SMCHD1: variants seen among roughly 807,000 people sequenced by gnomAD.
SMCHD1 encodes the protein structural maintenance of chromosomes flexible hinge domain containing 1.
A neutral mutation model predicts 254.7 loss-of-function variants in SMCHD1; 78 were observed. The ratio of observed to expected loss-of-function variants is 0.31; its 90% CI spans 0.26 to 0.37. The LOEUF (loss-of-function observed/expected upper bound fraction) is 0.37. Among genes scored for constraint, SMCHD1 ranks in the 10% least tolerant of loss-of-function variants. SMCHD1 has a pLI of 1.00. For synonymous variants in SMCHD1, 766 were observed against 794.9 expected (o/e 0.96, Z 0.61); for missense variants, 1,840 against 2,408.1 (o/e 0.76, Z 4.94).
chr18:2,740,734 G>T lies in SMCHD1; in HGVS notation c.3546G>T (p.Gln1182His), dbSNP rs757626505. The stretch of plus-strand genomic sequence containing the variant: ...TAATTACAGATCAGTACGGAAATCA[G>T]ATTCAAGCATTTTCACCAAGTTCTT... ...VIIITDQYGN[Q>H]IQAFSPSSLS... The change falls in exon 28 of 48, where the codon CAG becomes CAT. Residue 1182 changes from glutamine (Q) to histidine (H), a missense_variant. This residue lies in a region of SMCHD1 where 881 missense variants were observed against 1,009.5 expected (regional missense o/e 0.87). Transcript: ENST00000320876. 1.9e-5 allele frequency: 30 copies of T among 1,610,414 alleles called. No individual in the cohort carries two copies. Among genetic ancestry groups the T allele is most frequent in the Non-Finnish European group, 2.5e-5 (29 of 1,177,696 alleles).
chr18:2,747,187 G>A (rs1362494774), intron 29 of SMCHD1, among the ~76,000 whole-genome samples: 1 of 152,204 alleles, frequency 6.6e-6, no homozygotes, highest in Non-Finnish European at 1.5e-5. Flanking sequence ...ATGATTTCAA[G>A]TGTATGCTTA....
chr18:2,785,201 ACCAT>A (rs2076219343), intron 45 of SMCHD1, among the ~76,000 whole-genome samples: 1 of 152,176 alleles, frequency 6.6e-6, no homozygotes, highest in Admixed American at 6.5e-5. Flanking sequence ...AAGTCTCCTT[ACCAT>A]CCATTAGCTT....
intron 34 of SMCHD1, among the ~76,000 whole-genome samples, chr18:2,756,785 T>C (rs2075689049): frequency 6.6e-6 from 1 of 152,126 alleles, no homozygotes; most frequent in Admixed American, 6.6e-5. Flanking sequence ...TCTAAATAAA[T>C]AGATAATTTA....
At chr18:2,729,456 A>C in intron 24 of SMCHD1, 47 bp downstream of exon 24, 1 of 1,345,122 alleles carries the variant, frequency 7.4e-7, no homozygotes, top group Non-Finnish European at 9.7e-7. Flanking sequence ...GTCTTCATAC[A>C]AATAGTCTTC....
chr18:2,679,886 T>G (rs990334306), intron 5 of SMCHD1, among the ~76,000 whole-genome samples: 1 of 152,184 alleles, frequency 6.6e-6, no homozygotes, highest in African/African-American at 2.4e-5. Context: ...TGTTCTTTTT[T>G]CTTCATTTTT....
chr18:2,714,060 C>T (rs2074741647), intron 17 of SMCHD1, among the ~76,000 whole-genome samples: 1 of 152,174 alleles, frequency 6.6e-6, no homozygotes, highest in African/African-American at 2.4e-5. Flanking sequence ...GCAACGTTTT[C>T]TATCTCCATG....
intron 47 of SMCHD1, 31 bp from the exon 48 acceptor site, chr18:2,802,497 T>C: frequency 6.5e-7 from 1 of 1,541,490 alleles, no homozygotes; most frequent in Admixed American, 2.0e-5. Context: ...CTTTGGTACA[T>C]AAAACTTTTT....
In SMCHD1 at chr18:2,743,535, C is replaced by T. The variant is rs540034139; in HGVS notation, c.3634-226C>T. ...GAAAAGATAAAATAAAGAGACATTG[C>T]CAGAACCTTTTAGATCCCCTACCCC... is the stretch of plus-strand genomic sequence containing the variant. On this transcript the variant is annotated intron_variant, in intron 28 of 47. Transcript: ENST00000320876. 4.0e-4 allele frequency among the ~76,000 whole-genome samples: 61 copies of T among 152,118 alleles called. No individual in the cohort carries two copies. The South Asian group carries it at 0.013, about 32-fold the overall frequency.
intron 5 of SMCHD1, among the ~76,000 whole-genome samples, chr18:2,685,260 C>T (rs1011537776): frequency 2.0e-5 from 3 of 151,732 alleles, no homozygotes; most frequent in Non-Finnish European, 2.9e-5. Flanking sequence ...CCACCACGCC[C>T]GGCTAATTTT....
intron 1 of SMCHD1, among the ~76,000 whole-genome samples, chr18:2,658,662 A>AT (rs2073144958): frequency 6.6e-6 from 1 of 152,134 alleles, no homozygotes. Context: ...GCATTATTAG[A>AT]TTGTGCCTCG....
At chr18:2,743,694 T>G in intron 28 of SMCHD1, 67 bp from the exon 29 acceptor site, 3 of 1,221,722 alleles carry the variant, frequency 2.5e-6, no homozygotes, top group Non-Finnish European at 3.3e-6. Flanking sequence ...TGACAAAACA[T>G]TTTATTTTGT....
chr18:2,674,160 C>CTTTT lies in SMCHD1; in HGVS notation c.638+24_638+27dup. 1 of 1,257,966 alleles carries CTTTT rather than the reference C, an allele frequency of 7.9e-7. No homozygotes were observed. 77.9% of individuals were successfully genotyped at this position (1,257,966 alleles called of 1,614,324 possible). A position where few individuals can be genotyped will look rare whatever the true frequency, so the allele number is the denominator to read the frequency against. On this transcript the variant is annotated intron_variant, in intron 5 of 47. Transcript: ENST00000320876. ...GACTTTGAAAGGTTAGAAAACCTTACTTTTTTTTTTTTGTGGGTAGCTATG... is the reference window on the plus strand; with the variant it reads ...GACTTTGAAAGGTTAGAAAACCTTACTTTTTTTTTTTTTTTTGTGGGTAGCTATG...
intron 34 of SMCHD1, among the ~76,000 whole-genome samples, chr18:2,760,095 A>G (rs892678075): frequency 1.3e-5 from 2 of 152,170 alleles, no homozygotes; most frequent in African/African-American, 4.8e-5. Context: ...CATCGCACAT[A>G]TTGTAGAATA....
chr18:2,663,898 G>C (rs485017), intron 1 of SMCHD1, among the ~76,000 whole-genome samples: 1 of 151,864 alleles, frequency 6.6e-6, no homozygotes, highest in African/African-American at 2.4e-5. Context: ...TGTACTTTTA[G>C]TAGAGACGGG....
At chr18:2,739,665 T>C (rs1462499444) in intron 27 of SMCHD1, 145 bp downstream of exon 27, 3 of 610,132 alleles carry the variant, frequency 4.9e-6, no homozygotes, top group Non-Finnish European at 8.5e-6. Flanking sequence ...TCAGATAAGA[T>C]TGAAGTATTT....
At chr18:2,680,133 G>C (rs2073891601) in intron 5 of SMCHD1, among the ~76,000 whole-genome samples, 1 of 152,078 alleles carries the variant, frequency 6.6e-6, no homozygotes. Context: ...CATGGTTTCT[G>C]TTCTTTGAAT....
chr18:2,796,992 G>C (rs2076276136), intron 47 of SMCHD1: 2 of 152,030 alleles, frequency 1.3e-5, no homozygotes, highest in Admixed American at 6.6e-5. Context: ...TAAAACTTAA[G>C]CATTATGTTT....
rs1296496071 is a variant in SMCHD1 at position 2,781,190 on chromosome 18, CAT to C, written c.5547+2955_5547+2956del. On this transcript the variant is annotated intron_variant, in intron 44 of 47. Transcript: ENST00000320876. ...AAACCTTAGTATAAGGGTAAACAAACATATAAACCTGCCACCTTCATCTCAAC... is the reference window on the plus strand; with the variant it reads ...AAACCTTAGTATAAGGGTAAACAAACATAAACCTGCCACCTTCATCTCAAC... 6.6e-5 allele frequency among the ~76,000 whole-genome samples: 10 copies of C among 152,324 alleles called. No individual in the cohort carries two copies. The South Asian group carries it at 1.5e-3, about 22-fold the overall frequency.
intron 34 of SMCHD1, among the ~76,000 whole-genome samples, chr18:2,757,978 A>G (rs1030018092): frequency 2.0e-5 from 3 of 152,152 alleles, no homozygotes; most frequent in African/African-American, 7.2e-5. Flanking sequence ...CTTTGGTAAT[A>G]GTATACCAAC....
Sources: allele counts gnomAD v4.1 joint callset (sites outside exome capture counted in the v4.1 genomes callset), GRCh38; gene constraint gnomAD v4.1.1; regional missense constraint gnomAD v4.1.1; transcripts MANE v1.5; gene names NCBI Gene and HGNC (gene_info 2026-07-23, HGNC 2026-07-21).